Variants in C1orf94 observed in about 807,000 individuals in gnomAD.
C1orf94 encodes the protein uncharacterized protein C1orf94.
A neutral mutation model predicts 53.6 loss-of-function variants in C1orf94; 45 were observed. The observed-to-expected ratio is 0.84, with a 90% confidence interval of 0.66 to 1.08. The LOEUF (loss-of-function observed/expected upper bound fraction) is 1.08, where lower values mean the gene tolerates loss of function less well. C1orf94 is among the 50% of genes least tolerant of loss of function. The pLI is 0.00. For synonymous variants in C1orf94, 304 were observed against 296.1 expected (o/e 1.03, Z -0.27); for missense variants, 762 against 738.9 (o/e 1.03, Z -0.36).
At chr1:34,207,310 G>A (rs182507046) in intron 4 of C1orf94, among the ~76,000 whole-genome samples, 36 of 149,180 alleles carry the variant, frequency 2.4e-4, no homozygotes, top group African/African-American at 4.9e-4. Context: ...TGTGTCTTAC[G>A]TCTGTGTGTG....
upstream of C1orf94, among the ~76,000 whole-genome samples, chr1:34,174,073 C>T (rs1484221312): frequency 6.6e-6 from 1 of 152,216 alleles, no homozygotes; most frequent in African/African-American, 2.4e-5. Context: ...TTTTCATCAT[C>T]TCTAATCCCT....
At chr1:34,186,419 T>G (rs1211336441) in intron 1 of C1orf94, among the ~76,000 whole-genome samples, 1 of 152,170 alleles carries the variant, frequency 6.6e-6, no homozygotes, top group Non-Finnish European at 1.5e-5. Context: ...TTATCATGGA[T>G]AAAATAACAG....
At chr1:34,188,478 A>G (rs992356504) in intron 1 of C1orf94, among the ~76,000 whole-genome samples, 30 of 152,258 alleles carry the variant, frequency 2.0e-4, no homozygotes, top group African/African-American at 6.7e-4. Context: ...AAGTCTGAGT[A>G]TCACCATCCC....
chr1:34,213,937 C>A (rs1642941376), intron 6 of C1orf94, among the ~76,000 whole-genome samples: 1 of 152,008 alleles, frequency 6.6e-6, no homozygotes. Context: ...CTCTTCCTTT[C>A]TCTTGTAGAG....
At chr1:34,200,645 C>A in intron 2 of C1orf94, 127 bp from the exon 3 acceptor site, 3 of 1,293,386 alleles carry the variant, frequency 2.3e-6, no homozygotes, top group South Asian at 2.8e-5. Flanking sequence ...GAAAGAGAGT[C>A]CCCCAAAGTG....
intron 6 of C1orf94, among the ~76,000 whole-genome samples, chr1:34,215,825 G>A (rs908472322): frequency 6.6e-6 from 1 of 152,070 alleles, no homozygotes; most frequent in African/African-American, 2.4e-5. Flanking sequence ...GGCCAAGATG[G>A]TAAAACCCCA....
intron 4 of C1orf94, 66 bp downstream of exon 4, chr1:34,202,325 C>T (rs1642724972): frequency 6.5e-7 from 1 of 1,539,600 alleles, no homozygotes; most frequent in South Asian, 1.2e-5. Context: ...GAAGGAGTGG[C>T]TGGCAGGGGG....
At chr1:34,193,148 T>C (rs1642521782) in intron 1 of C1orf94, among the ~76,000 whole-genome samples, 1 of 152,138 alleles carries the variant, frequency 6.6e-6, no homozygotes, top group African/African-American at 2.4e-5. Context: ...CGAATCTCGA[T>C]GGCAGCGAAG....
rs570210845 is a variant in C1orf94, at chr1:34,206,559, A to G, written c.1447-1598A>G. On this transcript the variant is annotated intron_variant, in intron 4 of 6. Transcript: ENST00000488417. ...ATCCATGCATGTTTGATGCACACAC[A>G]TAGAAACAGAAACAGGCAGGCGCAC... 4.6e-5 allele frequency among the ~76,000 whole-genome samples: 7 copies of G among 152,300 alleles called. No individual in the cohort carries two copies. In the South Asian group the frequency reaches 1.5e-3, roughly 32 times the overall value.
At chr1:34,187,864 G>A (rs1172161779) in intron 1 of C1orf94, among the ~76,000 whole-genome samples, 1 of 150,028 alleles carries the variant, frequency 6.7e-6, no homozygotes, top group Non-Finnish European at 1.5e-5. Context: ...AGGACATTGT[G>A]GGAAGCAGGG....
intron 1 of C1orf94, among the ~76,000 whole-genome samples, chr1:34,167,870 A>G (rs985786353): frequency 2.0e-5 from 3 of 152,206 alleles, no homozygotes; most frequent in African/African-American, 7.2e-5. Flanking sequence ...AACCTGAGAC[A>G]TGGATAAAGA....
chr1:34,215,614 C>T (rs1003504032), intron 6 of C1orf94, among the ~76,000 whole-genome samples: 2 of 151,998 alleles, frequency 1.3e-5, no homozygotes, highest in Non-Finnish European at 2.9e-5. Flanking sequence ...ATTGGTGGGA[C>T]GTGATGATGG....
intron 1 of C1orf94, among the ~76,000 whole-genome samples, chr1:34,195,142 G>A (rs186736024): frequency 2.0e-5 from 3 of 151,702 alleles, no homozygotes; most frequent in Non-Finnish European, 4.4e-5. Flanking sequence ...GAAAATAACA[G>A]CAAGTGATCT....
chr1:34,187,716 G>C (rs1642404712), intron 1 of C1orf94, among the ~76,000 whole-genome samples: 2 of 146,106 alleles, frequency 1.4e-5, no homozygotes, highest in Admixed American at 1.5e-4. Context: ...CTTTATTGCT[G>C]TATTTATTCC....
chr1:34,179,613 G>A (rs973981610), intron 1 of C1orf94, among the ~76,000 whole-genome samples: 2 of 152,242 alleles, frequency 1.3e-5, no homozygotes, highest in Non-Finnish European at 2.9e-5. Context: ...AGGGTGATAT[G>A]TGCTGCCTTG....
intron 6 of C1orf94, among the ~76,000 whole-genome samples, chr1:34,213,626 C>T (rs1287784048): frequency 2.0e-5 from 3 of 151,960 alleles, no homozygotes; most frequent in African/African-American, 4.8e-5. Flanking sequence ...CTGCAATCTC[C>T]GCCTCCCAGG....
Position 34,197,420 on chromosome 1 carries a change from G to T in C1orf94, c.516G>T (p.Glu172Asp), listed in dbSNP as rs1472695845. The T allele has an allele frequency of 1.9e-6, 3 of 1,613,918 alleles. No homozygotes were observed. The highest frequency in any genetic ancestry group is 1.7e-6 in the Non-Finnish European group (2 of 1,179,874). ...LAPPLVAGSN[E>D]RPRASIIVGD... Reference sequence around the variant, plus strand: ...CTCCTCTAGTGGCAGGCAGTAATGAGCGCCCCAGAGCCTCCATCATTGTCG... The same window carrying T: ...CTCCTCTAGTGGCAGGCAGTAATGATCGCCCCAGAGCCTCCATCATTGTCG... The change falls in exon 2 of 7, where the codon GAG becomes GAT. Residue 172 changes from glutamate (E) to aspartate (D), a missense_variant. Transcript: ENST00000488417. The surrounding 1 kb of genome is among the most constrained non-coding windows in gnomAD (Gnocchi z 4.1).
rs117416542 is a variant in C1orf94 at position 34,198,866 on chromosome 1, A to G, written c.1009+953A>G. Among the ~76,000 whole-genome samples, 18 of 152,260 alleles carry G rather than the reference A, an allele frequency of 1.2e-4. No individual in the cohort carries two copies. In the East Asian group the frequency reaches 2.5e-3, roughly 21 times the overall value. On this transcript the variant is annotated intron_variant, in intron 2 of 6. Transcript: ENST00000488417. Reference sequence around the variant, plus strand: ...CTTCTAGGAGCCAGAGGGCTTTAGGATGGGGAGCTGTAGGAGAGAGACGGT... The same window carrying G: ...CTTCTAGGAGCCAGAGGGCTTTAGGGTGGGGAGCTGTAGGAGAGAGACGGT...
At chr1:34,173,906 C>G (rs986676456), upstream of C1orf94, among the ~76,000 whole-genome samples, 10 of 152,244 alleles carry the variant, frequency 6.6e-5, no homozygotes, top group African/African-American at 2.4e-4. Context: ...GCACCTCAAA[C>G]AGTGCTGGGC....
Sources: allele counts gnomAD v4.1 joint callset (sites outside exome capture counted in the v4.1 genomes callset), GRCh38; gene constraint gnomAD v4.1.1; non-coding constraint Gnocchi (gnomAD v3.1); transcripts MANE v1.5; gene names NCBI Gene and HGNC (gene_info 2026-07-23, HGNC 2026-07-21).